IFT25: variants seen among roughly 807,000 people sequenced by gnomAD.
The protein encoded by IFT25 is intraflagellar transport 25, also known as intraflagellar transport protein 25 homolog.
chr1:53,918,741 T>A, the IFT25 span, among the ~76,000 whole-genome samples: 1 of 152,196 alleles, frequency 6.6e-6, no homozygotes, highest in Non-Finnish European at 1.5e-5. Flanking sequence ...GAGTACTTCA[T>A]AGGCTGGTCT....
the IFT25 span, among the ~76,000 whole-genome samples, chr1:53,925,718 A>G: frequency 2.6e-5 from 4 of 151,974 alleles, no homozygotes; most frequent in South Asian, 8.3e-4. Flanking sequence ...TTAGGAGAGA[A>G]CATAAAAAAA....
the IFT25 span, among the ~76,000 whole-genome samples, chr1:53,927,239 TATTG>T: frequency 6.6e-6 from 1 of 152,256 alleles, no homozygotes; most frequent in Non-Finnish European, 1.5e-5. Context: ...GAGCCACACT[TATTG>T]ATTACTGGAC....
the IFT25 span, among the ~76,000 whole-genome samples, chr1:53,932,868 T>C: frequency 1.3e-5 from 2 of 152,094 alleles, no homozygotes; most frequent in South Asian, 4.2e-4. Flanking sequence ...ACACAACCCA[T>C]CAATACATTC....
At chr1:53,928,896 A>C in the IFT25 span, 2 of 154,058 alleles carry the variant, frequency 1.3e-5, no homozygotes, top group Non-Finnish European at 2.9e-5. Flanking sequence ...TATACAGCTC[A>C]TAAGTGCCAG....
chr1:53,916,693 A>G, the IFT25 span: 1 of 322,600 alleles, frequency 3.1e-6, no homozygotes, highest in Non-Finnish European at 5.6e-6. Context: ...TCTAGCCGTA[A>G]TGTTCAGTTT....
At chr1:53,921,444 A>G in the IFT25 span, 2 of 505,428 alleles carry the variant, frequency 4.0e-6, no homozygotes, top group Non-Finnish European at 7.1e-6. Flanking sequence ...TGATTAAGCT[A>G]TATACTGAAG....
chr1:53,921,540 G>A, the IFT25 span: 1 of 718,708 alleles, frequency 1.4e-6, no homozygotes, highest in South Asian at 1.7e-5. Context: ...TGAAAAGAAT[G>A]TAAATAAAAA....
At chr1:53,916,976 T>A in the IFT25 span, 1 of 276,326 alleles carries the variant, frequency 3.6e-6, no homozygotes, top group Non-Finnish European at 6.7e-6. Flanking sequence ...ACCCCATCTT[T>A]ACTAAAAATG....
chr1:53,940,411 C>T, the IFT25 span, among the ~76,000 whole-genome samples: 1 of 151,910 alleles, frequency 6.6e-6, no homozygotes, highest in Non-Finnish European at 1.5e-5. Context: ...CATAAAAATA[C>T]TCGATTAATT....
At chr1:53,930,239 C>A in the IFT25 span, 1 of 1,168,482 alleles carries the variant, frequency 8.6e-7, no homozygotes. Context: ...AATTAAATGA[C>A]TACTGGATTC....
chr1:53,929,731 A>AT, the IFT25 span: 1 of 225,866 alleles, frequency 4.4e-6, no homozygotes, highest in African/African-American at 2.3e-5. Flanking sequence ...TATGTTCCTA[A>AT]TAGGGCCTTT....
chr1:53,938,571 C>A, the IFT25 span, among the ~76,000 whole-genome samples: 1 of 152,200 alleles, frequency 6.6e-6, no homozygotes, highest in South Asian at 2.1e-4. Context: ...CATAAAACCT[C>A]TGTTACAACC....
At chr1:53,936,237 G>A in the IFT25 span, among the ~76,000 whole-genome samples, 6 of 152,294 alleles carry the variant, frequency 3.9e-5, no homozygotes, top group Admixed American at 2.0e-4. Flanking sequence ...GCAGTAAGCC[G>A]AAATCGTGCC....
the IFT25 span, among the ~76,000 whole-genome samples, chr1:53,924,892 C>T: frequency 6.6e-6 from 1 of 152,152 alleles, no homozygotes; most frequent in African/African-American, 2.4e-5. Flanking sequence ...ATTAACTTCA[C>T]ATTAAATAAT....
At chr1:53,938,719 T>C in the IFT25 span, among the ~76,000 whole-genome samples, 1 of 152,172 alleles carries the variant, frequency 6.6e-6, no homozygotes, top group African/African-American at 2.4e-5. Context: ...TGAGTCAAAC[T>C]CTGTTCATTG....
the IFT25 span, among the ~76,000 whole-genome samples, chr1:53,926,670 G>T: frequency 6.6e-6 from 1 of 150,862 alleles, no homozygotes; most frequent in Non-Finnish European, 1.5e-5. Context: ...TAATGTCTTT[G>T]ACTTACTGAA....
chr1:53,942,434 T>C, the IFT25 span, among the ~76,000 whole-genome samples: 3 of 152,236 alleles, frequency 2.0e-5, no homozygotes, highest in South Asian at 4.1e-4. Context: ...ATGAATTATA[T>C]TGGAAAGTGG....
the IFT25 span, chr1:53,923,821 A>G: frequency 1.2e-6 from 1 of 847,276 alleles, no homozygotes; most frequent in South Asian, 1.4e-5. Context: ...GAGGAAATTT[A>G]TTAACTATGA....
chr1:53,946,064 C>G, the IFT25 span: 1 of 152,402 alleles, frequency 6.6e-6, no homozygotes, highest in East Asian at 1.9e-4. Flanking sequence ...CGGCCCCGCC[C>G]TCTCCGGCTC....
Sources: gnomAD v4.1 joint callset for allele counts (sites outside exome capture counted in the v4.1 genomes callset) on GRCh38, gnomAD v4.1.1 for gene constraint, MANE v1.5 for transcripts, NCBI Gene and HGNC (gene_info 2026-07-23, HGNC 2026-07-21) for gene names.